The following MYO18A variants were observed in gnomAD, a reference collection of about 807,000 sequenced individuals.
MYO18A encodes the protein unconventional myosin-XVIIIa.
MYO18A carries 78 observed loss-of-function variants against 235.8 expected under a neutral mutation model. The observed-to-expected ratio is 0.33, with a 90% CI of 0.28 to 0.40. The LOEUF (loss-of-function observed/expected upper bound fraction) is 0.40, where lower values mean the gene tolerates loss of function less well. Among genes scored for constraint, MYO18A ranks in the 10% least tolerant of loss-of-function variants. The pLI is 1.00. For missense variants in MYO18A, 2,215 were observed against 2,699.3 expected, an observed-to-expected ratio of 0.82 and a Z score of 3.98; for synonymous variants, 977 against 1,077.8, an observed-to-expected ratio of 0.91 and a Z score of 1.83.
intron 2 of MYO18A, among the ~76,000 whole-genome samples, chr17:29,143,340 C>A (rs2067781869): frequency 6.6e-6 from 1 of 152,150 alleles, no homozygotes; most frequent in African/African-American, 2.4e-5. Context: ...TCAGCCCATC[C>A]TCCCACCTCA....
intron 1 of MYO18A, among the ~76,000 whole-genome samples, chr17:29,178,953 C>T (rs1240687322): frequency 6.6e-6 from 1 of 152,250 alleles, no homozygotes; most frequent in African/African-American, 2.4e-5. Flanking sequence ...TCACTTGCCA[C>T]AGGGGCACTG....
chr17:29,093,473 G>A, intron 31 of MYO18A, 46 bp from the exon 32 acceptor site: 1 of 1,477,314 alleles, frequency 6.8e-7, no homozygotes, highest in Non-Finnish European at 9.3e-7. Context: ...TTTAGTGCCT[G>A]GTGCGAAGCA....
In MYO18A at chr17:29,098,438, A is replaced by T; in HGVS notation, c.3788T>A (p.Ile1263Asn). Residue 1263 changes from isoleucine to asparagine, a missense_variant, in exon 24 of 42, where the codon ATC (isoleucine) becomes AAC (asparagine). Physicochemically the swap from Ile to Asn is moderately radical, Grantham distance 149 (BLOSUM62 -3). Transcript: ENST00000527372. ...CTCGAGCTTGCTCCGCAGCTGCTGG[A>T]TCTCCTCCTAGGGTGGACCAAAGAG... ...EEQIRNKDEE[I>N]QQLRSKLEKA... is the part of the protein sequence containing the mutation. The T allele has an allele frequency of 6.2e-7, 1 of 1,613,748 alleles. No homozygotes were observed. The highest frequency in any genetic ancestry group is 8.5e-7 in the Non-Finnish European group (1 of 1,179,816).
Position 29,109,002 on chromosome 17 carries a change from G to T in MYO18A, c.3331+856C>A, listed in dbSNP as rs1311425695. ...TGATTTATTTAGAGCAGGGCAGGGAGCCTGTTTCCTGGCTTGGGCTGCTAA... is the reference window on the plus strand; with the variant it reads ...TGATTTATTTAGAGCAGGGCAGGGATCCTGTTTCCTGGCTTGGGCTGCTAA... On this transcript the variant is annotated intron_variant, in intron 19 of 41. Transcript: ENST00000527372. The surrounding 1 kb of genome is among the most constrained non-coding windows in gnomAD (Gnocchi z 4.1). Among the ~76,000 whole-genome samples the T allele has an allele frequency of 1.3e-5, 2 of 152,112 alleles. No individual in the cohort carries two copies. Among genetic ancestry groups the T allele is most frequent in the East Asian group, 3.9e-4 (2 of 5,188 alleles).
rs1245076465 is a variant in MYO18A, at chr17:29,166,725, G to A, written c.216C>T (p.Ser72=). ...TGTCAGTCAGGTGCAGGTCAGAGCC[G>A]CTGGCCACCTTGATGGGGATGGGGT... ...ISNPIPIKVA[S]GSDLHLTDID... is the part of the protein sequence containing the mutation. The change falls in exon 2 of 42, where the codon AGC becomes AGT. Residue 72 remains serine, a synonymous_variant. Transcript: ENST00000527372. The A allele has an allele frequency of 3.1e-6, 5 of 1,613,862 alleles. No individual in the cohort carries two copies. Among genetic ancestry groups the A allele is most frequent in the Admixed American group, 1.7e-5 (1 of 60,004 alleles).
chr17:29,113,869 G>T, intron 15 of MYO18A, 142 bp downstream of exon 15: 1 of 643,730 alleles, frequency 1.6e-6, no homozygotes, highest in African/African-American at 1.8e-5. Flanking sequence ...GAGAGTAGTT[G>T]GTGTCTGGGC....
At chr17:29,087,309 A>G (rs1226363879) in intron 37 of MYO18A, among the ~76,000 whole-genome samples, 188 bp from the exon 38 acceptor site, 1 of 152,156 alleles carries the variant, frequency 6.6e-6, no homozygotes, top group Non-Finnish European at 1.5e-5. Context: ...AATAACACCT[A>G]ACCCCCAGGG....
chr17:29,097,283 C>G lies in MYO18A; in HGVS notation c.4170G>C (p.Gln1390His). 6.2e-7 allele frequency: 1 copy of G among 1,611,368 alleles called. No individual in the cohort carries two copies. Among genetic ancestry groups the G allele is most frequent in the Non-Finnish European group, 8.5e-7 (1 of 1,179,878 alleles). The change falls in exon 27 of 42, where the codon CAG (glutamine) becomes CAC (histidine). Residue 1390 changes from glutamine (Q) to histidine (H), a missense_variant. Gln to His is a conservative substitution (Grantham distance 24). Coordinates refer to ENST00000527372, the MANE Select transcript of MYO18A (RefSeq NM_078471.4). The part of the protein sequence containing the change: ...REVDFTKKRL[Q>H]QEFEDKLEVE... ...CCTCCAGCTTGTCCTCAAACTCCTG[C>G]TGGAGCCGTTTCTTGGTGAAGTCCA...
At chr17:29,143,015 C>T (rs1305995660) in intron 2 of MYO18A, among the ~76,000 whole-genome samples, 2 of 152,176 alleles carry the variant, frequency 1.3e-5, no homozygotes, top group African/African-American at 2.4e-5. Context: ...ACCATTTTGG[C>T]CAGGCTGGCC....
chr17:29,129,841 G>A (rs528931171), intron 2 of MYO18A, among the ~76,000 whole-genome samples: 2 of 152,352 alleles, frequency 1.3e-5, no homozygotes, highest in African/African-American at 2.4e-5. Context: ...AAGGGATAGA[G>A]AGAGTAAGGG....
At chr17:29,087,771 G>T (rs1404654872) in intron 37 of MYO18A, among the ~76,000 whole-genome samples, 1 of 151,738 alleles carries the variant, frequency 6.6e-6, no homozygotes, top group Non-Finnish European at 1.5e-5. Context: ...AAAGAGCCAG[G>T]CTGCAGGATT....
chr17:29,146,103 CA>C lies in MYO18A; in HGVS notation c.999+19838del, dbSNP rs2067842962. The stretch of plus-strand genomic sequence containing the variant: ...TGAAACCCCGTCTCTACTAAAAATA[CA>C]AAAATTAGCCAGGCGTGGTGGCATG... On this transcript the variant is annotated intron_variant, in intron 2 of 41. Coordinates refer to ENST00000527372, the MANE Select transcript of MYO18A (RefSeq NM_078471.4). Among the ~76,000 whole-genome samples the C allele has an allele frequency of 2.0e-5, 3 of 151,888 alleles. No homozygotes were observed. The South Asian group carries it at 6.2e-4, about 32-fold the overall frequency.
intron 41 of MYO18A, chr17:29,075,999 C>T (rs1174857507): frequency 1.3e-5 from 2 of 156,826 alleles, no homozygotes; most frequent in Non-Finnish European, 2.9e-5. Flanking sequence ...TGTTTACTAG[C>T]CCTTTTAAAG....
intron 41 of MYO18A, chr17:29,075,768 C>A (rs2065959133): frequency 6.5e-6 from 1 of 153,298 alleles, no homozygotes; most frequent in African/African-American, 2.4e-5. Context: ...TTCCCGTACT[C>A]CTCCTGCCTC....
At chr17:29,081,776 G>C (rs2066130141) in intron 41 of MYO18A, among the ~76,000 whole-genome samples, 1 of 152,174 alleles carries the variant, frequency 6.6e-6, no homozygotes, top group African/African-American at 2.4e-5. Flanking sequence ...TAGAAAACAG[G>C]GGAGTACATT....
intron 30 of MYO18A, 190 bp from the exon 31 acceptor site, chr17:29,094,280 G>A: frequency 1.7e-6 from 1 of 605,648 alleles, no homozygotes; most frequent in South Asian, 2.0e-5. Context: ...TCTGGCATAG[G>A]CCCACAGAGA....
chr17:29,165,793 C>A (rs1425546364), intron 2 of MYO18A, 149 bp downstream of exon 2: 2 of 801,104 alleles, frequency 2.5e-6, no homozygotes, highest in Admixed American at 2.9e-5. Flanking sequence ...GTTCATGCTT[C>A]CCCACAGGCT....
chr17:29,114,851 C>T, intron 14 of MYO18A, 56 bp downstream of exon 14: 1 of 1,554,812 alleles, frequency 6.4e-7, no homozygotes, highest in Non-Finnish European at 8.7e-7. Context: ...GATGCCCTCG[C>T]TGTGGGTGCC....
At chr17:29,107,284 C>G in intron 19 of MYO18A, 95 bp from the exon 20 acceptor site, 1 of 1,196,634 alleles carries the variant, frequency 8.4e-7, no homozygotes. Context: ...GGAGAGTCAC[C>G]AAAAGGGAAG....
Sources: gnomAD v4.1 joint callset for allele counts (sites outside exome capture counted in the v4.1 genomes callset) on GRCh38, gnomAD v4.1.1 for gene constraint, Gnocchi (gnomAD v3.1) non-coding constraint, MANE v1.5 for transcripts, NCBI Gene and HGNC (gene_info 2026-07-23, HGNC 2026-07-21) for gene names.